ZSWIM6: variants seen among roughly 807,000 people sequenced by gnomAD.
The protein encoded by ZSWIM6 is zinc finger SWIM domain-containing protein 6.
In ZSWIM6, 9 loss-of-function variants were observed where a neutral mutation model predicts 113.2. That is an observed-to-expected ratio of 0.08 (90% CI 0.05 to 0.14). The LOEUF is 0.14. Among genes scored for constraint, ZSWIM6 ranks in the 10% least tolerant of loss-of-function variants. ZSWIM6 has a pLI of 1.00. For synonymous variants in ZSWIM6, 611 were observed against 606.5 expected, an observed-to-expected ratio of 1.01 and a Z score of -0.11; for missense variants, 1,162 against 1,552.2, an observed-to-expected ratio of 0.75 and a Z score of 4.22.
At chr5:61,467,414 G>T (rs1747458885) in intron 1 of ZSWIM6, among the ~76,000 whole-genome samples, 1 of 152,096 alleles carries the variant, frequency 6.6e-6, no homozygotes, top group South Asian at 2.1e-4. Flanking sequence ...TCTGTATTCA[G>T]TTTGTAATGA....
intron 4 of ZSWIM6, among the ~76,000 whole-genome samples, chr5:61,519,482 C>G (rs1749055054): frequency 6.6e-6 from 1 of 152,116 alleles, no homozygotes; most frequent in South Asian, 2.1e-4. Context: ...ATTGCTTCTC[C>G]AGGTTTTATT....
At chr5:61,425,784 T>C (rs17422192) in intron 1 of ZSWIM6, among the ~76,000 whole-genome samples, 23,267 of 152,114 alleles carry the variant, frequency 0.15, 1,884 homozygotes, top group Non-Finnish European at 0.17. Context: ...GCACTGGGCT[T>C]ATAAAAGGGA....
At chr5:61,460,492 T>C (rs1747300551) in intron 1 of ZSWIM6, among the ~76,000 whole-genome samples, 1 of 152,234 alleles carries the variant, frequency 6.6e-6, no homozygotes, top group South Asian at 2.1e-4. Context: ...TTCCCTCTTC[T>C]GTTAACATAC....
At chr5:61,333,354 A>C (rs896239258) in intron 1 of ZSWIM6, among the ~76,000 whole-genome samples, 2 of 148,592 alleles carry the variant, frequency 1.3e-5, no homozygotes, top group Middle Eastern at 7.2e-3. Flanking sequence ...GGGGCGGGGG[A>C]GGGGGCGCGG....
intron 4 of ZSWIM6, among the ~76,000 whole-genome samples, chr5:61,519,414 T>C (rs1194330674): frequency 6.6e-6 from 1 of 152,154 alleles, no homozygotes; most frequent in Non-Finnish European, 1.5e-5. Flanking sequence ...CTAATTTTAT[T>C]TCAATGCTAG....
intron 3 of ZSWIM6, among the ~76,000 whole-genome samples, chr5:61,493,193 A>G (rs915022879): frequency 1.3e-4 from 20 of 152,132 alleles, no homozygotes; most frequent in South Asian, 4.1e-4. Flanking sequence ...TGGATCACCC[A>G]TATAGAGCAG....
chr5:61,530,728 G>A (rs1263876477), intron 8 of ZSWIM6, among the ~76,000 whole-genome samples: 2 of 152,200 alleles, frequency 1.3e-5, no homozygotes, highest in Non-Finnish European at 2.9e-5. Flanking sequence ...TGACTAAAAA[G>A]ACTGCCCAAG....
intron 1 of ZSWIM6, among the ~76,000 whole-genome samples, chr5:61,466,450 G>A (rs774957416): frequency 3.9e-5 from 6 of 152,032 alleles, no homozygotes; most frequent in Non-Finnish European, 8.8e-5. Context: ...AATTTCCCTG[G>A]GGGTTCTTTT....
At chr5:61,430,022 G>A (rs141578645) in intron 1 of ZSWIM6, among the ~76,000 whole-genome samples, 37 of 152,292 alleles carry the variant, frequency 2.4e-4, no homozygotes, top group Admixed American at 5.2e-4. Flanking sequence ...GAAGTCAAAG[G>A]GTTTTATGTT....
intron 1 of ZSWIM6, among the ~76,000 whole-genome samples, chr5:61,441,824 A>C (rs1746840364): frequency 6.6e-6 from 1 of 152,198 alleles, no homozygotes; most frequent in Non-Finnish European, 1.5e-5. Context: ...GGTATAGCAG[A>C]GTCCGATGAA....
intron 1 of ZSWIM6, among the ~76,000 whole-genome samples, chr5:61,406,509 A>T (rs1430238414): frequency 1.3e-5 from 2 of 152,086 alleles, no homozygotes; most frequent in Non-Finnish European, 2.9e-5. Context: ...TACAGTCAGT[A>T]TCAAAATTTT....
intron 12 of ZSWIM6, among the ~76,000 whole-genome samples, chr5:61,541,063 C>T (rs752648497): frequency 3.9e-5 from 6 of 151,900 alleles, no homozygotes; most frequent in Admixed American, 6.6e-5. Context: ...TCTACTTCAG[C>T]CCCCTGAGTA....
intron 1 of ZSWIM6, among the ~76,000 whole-genome samples, chr5:61,405,547 A>G (rs1746026689): frequency 6.8e-6 from 1 of 147,554 alleles, no homozygotes; most frequent in African/African-American, 2.4e-5. Context: ...GCCTTTAAAA[A>G]TAAGAGAAGA....
At chr5:61,456,263 T>G (rs958475153) in intron 1 of ZSWIM6, among the ~76,000 whole-genome samples, 3 of 152,168 alleles carry the variant, frequency 2.0e-5, no homozygotes. Flanking sequence ...CCAAATTTGT[T>G]TTAGGAGAAT....
chr5:61,431,637 C>T (rs1252585007), intron 1 of ZSWIM6, among the ~76,000 whole-genome samples: 5 of 107,632 alleles, frequency 4.6e-5, no homozygotes, highest in African/African-American at 1.2e-4. Flanking sequence ...CCCAGCTACT[C>T]GGGAGGCTGA....
At chr5:61,469,850 A>C (rs574363917) in intron 1 of ZSWIM6, among the ~76,000 whole-genome samples, 5 of 151,954 alleles carry the variant, frequency 3.3e-5, no homozygotes, top group African/African-American at 1.2e-4. Flanking sequence ...TGGGACTACA[A>C]ATGCCTGCCC....
intron 4 of ZSWIM6, among the ~76,000 whole-genome samples, chr5:61,515,692 A>G (rs1748915357): frequency 6.6e-6 from 1 of 152,132 alleles, no homozygotes; most frequent in African/African-American, 2.4e-5. Flanking sequence ...TTCAGACCAT[A>G]GCAGTATTCA....
At chr5:61,503,481 G>A (rs1748527940) in intron 4 of ZSWIM6, among the ~76,000 whole-genome samples, 1 of 152,218 alleles carries the variant, frequency 6.6e-6, no homozygotes, top group Admixed American at 6.5e-5. Context: ...GAATCAGAGA[G>A]AGACCTTGAA....
chr5:61,459,843 G>A (rs565796150), intron 1 of ZSWIM6, among the ~76,000 whole-genome samples: 1 of 152,224 alleles, frequency 6.6e-6, no homozygotes, highest in East Asian at 1.9e-4. Flanking sequence ...GACTCTTTCA[G>A]GTCCTCCCGC....
Sources: allele counts gnomAD v4.1 joint callset (sites outside exome capture counted in the v4.1 genomes callset), GRCh38; gene constraint gnomAD v4.1.1; transcripts MANE v1.5; gene names NCBI Gene and HGNC (gene_info 2026-07-23, HGNC 2026-07-21).